EPB41L5: variants seen among roughly 807,000 people sequenced by gnomAD.
EPB41L5 encodes erythrocyte membrane protein band 4.1 like 5.
In EPB41L5, 55 loss-of-function variants were observed where a neutral mutation model predicts 106.6. That is an observed-to-expected ratio of 0.52 (90% CI 0.42 to 0.65). The LOEUF is 0.65. Among genes scored for constraint, EPB41L5 ranks in the 30% least tolerant of loss-of-function variants. EPB41L5 has a pLI of 0.00. For missense variants in EPB41L5, 871 were observed against 882.1 expected, an observed-to-expected ratio of 0.99 and a Z score of 0.16; for synonymous variants, 297 against 306.7, an observed-to-expected ratio of 0.97 and a Z score of 0.33.
chr2:120,054,105 G>A (rs1359399143), intron 3 of EPB41L5, among the ~76,000 whole-genome samples: 5 of 152,090 alleles, frequency 3.3e-5, no homozygotes, highest in Admixed American at 3.3e-4. Context: ...ATCCTAGTTG[G>A]TATGAAATGG....
chr2:120,095,171 T>C (rs1029302196), intron 14 of EPB41L5, among the ~76,000 whole-genome samples: 10 of 152,216 alleles, frequency 6.6e-5, no homozygotes, highest in Non-Finnish European at 1.0e-4. Flanking sequence ...CAGTTCTTTC[T>C]GTTTTTGTTT....
intron 2 of EPB41L5, among the ~76,000 whole-genome samples, chr2:120,036,075 T>C (rs565685228): frequency 2.0e-5 from 3 of 152,228 alleles, no homozygotes; most frequent in Admixed American, 6.5e-5. Context: ...TTTTAAGGGG[T>C]GTGATAGCAA....
intron 19 of EPB41L5, 78 bp downstream of exon 19, chr2:120,143,209 A>G: frequency 7.4e-7 from 1 of 1,347,438 alleles, no homozygotes; most frequent in Non-Finnish European, 1.0e-6. Flanking sequence ...CCAACTCTAA[A>G]TTCTAATCAA....
At chr2:120,046,574 G>C (rs1679794708) in intron 3 of EPB41L5, among the ~76,000 whole-genome samples, 1 of 151,570 alleles carries the variant, frequency 6.6e-6, no homozygotes, top group Non-Finnish European at 1.5e-5. Context: ...TTGTCAGATG[G>C]GTGGATTGCA....
chr2:120,174,456 C>T (rs1211874298), intron 24 of EPB41L5, among the ~76,000 whole-genome samples: 3 of 117,274 alleles, frequency 2.6e-5, no homozygotes, highest in African/African-American at 2.7e-5. Context: ...CAGAGCAAGA[C>T]CCCGTCTCAC....
At chr2:120,023,887 G>A (rs1358626207) in intron 2 of EPB41L5, among the ~76,000 whole-genome samples, 8 of 152,142 alleles carry the variant, frequency 5.3e-5, no homozygotes, top group Admixed American at 5.2e-4. Context: ...TCCTTGAAGA[G>A]GTCCTTCACA....
intron 10 of EPB41L5, among the ~76,000 whole-genome samples, chr2:120,086,825 A>T (rs901081373): frequency 6.6e-6 from 1 of 152,172 alleles, no homozygotes; most frequent in Admixed American, 6.5e-5. Context: ...TCCTATGTCT[A>T]GTTCCTATGC....
intron 14 of EPB41L5, among the ~76,000 whole-genome samples, chr2:120,098,348 T>G (rs1683907630): frequency 6.6e-6 from 1 of 152,024 alleles, no homozygotes; most frequent in Non-Finnish European, 1.5e-5. Flanking sequence ...TATCTGAGAC[T>G]ACTACAGGCA....
intron 3 of EPB41L5, among the ~76,000 whole-genome samples, chr2:120,053,274 T>A (rs1436055411): frequency 4.6e-5 from 7 of 152,186 alleles, no homozygotes; most frequent in Non-Finnish European, 1.0e-4. Flanking sequence ...AGAGAAGGCA[T>A]GCTTAAGTAA....
chr2:120,093,397 T>C, intron 14 of EPB41L5, 121 bp downstream of exon 14: 3 of 807,278 alleles, frequency 3.7e-6, no homozygotes, highest in South Asian at 2.9e-5. Flanking sequence ...ACCAGGGATA[T>C]GTCAGGGAAT....
At chr2:120,135,764 C>T (rs1685897951) in intron 18 of EPB41L5, among the ~76,000 whole-genome samples, 1 of 152,160 alleles carries the variant, frequency 6.6e-6, no homozygotes, top group East Asian at 1.9e-4. Flanking sequence ...ACCCTTCAAA[C>T]ATGAAGGAGA....
chr2:120,143,184 A>G, intron 19 of EPB41L5, 53 bp downstream of exon 19: 1 of 1,481,362 alleles, frequency 6.8e-7, no homozygotes, highest in Non-Finnish European at 9.0e-7. Context: ...CATGGGATGT[A>G]GAGAGTTGCC....
rs185513398 is a variant in EPB41L5, at chr2:120,071,856, G to A, written c.286-1322G>A. Reference sequence around the variant, plus strand: ...AAGAAAACCTAGGCAGTACCATGCAGGACATAGGCATGGGCAAAAACTTCA... The same window carrying A: ...AAGAAAACCTAGGCAGTACCATGCAAGACATAGGCATGGGCAAAAACTTCA... On this transcript the variant is annotated intron_variant, in intron 3 of 24. Coordinates refer to ENST00000263713, the MANE Select transcript of EPB41L5 (RefSeq NM_020909.4). Among the ~76,000 whole-genome samples, 229 of 152,266 alleles carry A rather than the reference G, an allele frequency of 1.5e-3. 1 individual carries two copies. The highest frequency in any genetic ancestry group is 2.4e-3 in the Non-Finnish European group (163 of 68,008).
At chr2:120,171,137 C>A (rs1305571218) in intron 24 of EPB41L5, among the ~76,000 whole-genome samples, 1 of 152,116 alleles carries the variant, frequency 6.6e-6, no homozygotes, top group Non-Finnish European at 1.5e-5. Context: ...AAGGAGACAT[C>A]AGCAATTAAG....
At chr2:120,146,361 T>A in intron 20 of EPB41L5, 72 bp downstream of exon 20, 1 of 1,122,282 alleles carries the variant, frequency 8.9e-7, no homozygotes, top group Non-Finnish European at 1.3e-6. Context: ...TCTCAGTCTG[T>A]CACCACATGG....
At chr2:120,140,432 T>G (rs760006021) in intron 18 of EPB41L5, among the ~76,000 whole-genome samples, 1 of 152,012 alleles carries the variant, frequency 6.6e-6, no homozygotes, top group Admixed American at 6.6e-5. Context: ...ACAAGTACTA[T>G]GTACCCATAA....
chr2:120,047,696 A>G (rs919117676), intron 3 of EPB41L5, among the ~76,000 whole-genome samples: 48 of 152,198 alleles, frequency 3.2e-4, no homozygotes, highest in South Asian at 1.2e-3. Flanking sequence ...TTCCAACACT[A>G]TGTTGAATAG....
At chr2:120,093,035 G>A (rs1683517103) in intron 13 of EPB41L5, among the ~76,000 whole-genome samples, 1 of 152,132 alleles carries the variant, frequency 6.6e-6, no homozygotes, top group Non-Finnish European at 1.5e-5. Context: ...GAGCCCAAAA[G>A]CTCAACTCTT....
chr2:120,174,792 C>T (rs1268496462), intron 24 of EPB41L5, 49 bp from the exon 25 acceptor site: 1 of 1,563,324 alleles, frequency 6.4e-7, no homozygotes, highest in African/African-American at 1.4e-5. Flanking sequence ...GAATGTCCTC[C>T]TCCAAACCCC....
Sources: gnomAD v4.1 joint callset for allele counts (sites outside exome capture counted in the v4.1 genomes callset) on GRCh38, gnomAD v4.1.1 for gene constraint, MANE v1.5 for transcripts, NCBI Gene and HGNC (gene_info 2026-07-23, HGNC 2026-07-21) for gene names.